The following NR3C2 variants were observed in gnomAD, a reference collection of about 807,000 sequenced individuals.
NR3C2 encodes nuclear receptor subfamily 3 group C member 2.
NR3C2 carries 15 observed loss-of-function variants against 86.4 expected under a neutral mutation model. The ratio of observed to expected loss-of-function variants is 0.17; its 90% CI spans 0.12 to 0.27. The LOEUF is 0.27. Ranked by LOEUF, NR3C2 falls within the 10% of genes least tolerant of loss-of-function variation. The pLI is 1.00. For synonymous variants in NR3C2, 458 were observed against 450.5 expected (o/e 1.02, Z -0.21); for missense variants, 960 against 1,195.6 (o/e 0.80, Z 2.91).
At chr4:148,110,209 A>ACT (rs2149724607) in intron 8 of NR3C2, among the ~76,000 whole-genome samples, 1 of 152,282 alleles carries the variant, frequency 6.6e-6, no homozygotes, top group Non-Finnish European at 1.5e-5. Flanking sequence ...TGATTCAAAC[A>ACT]CTCAACTATC....
chr4:148,315,801 T>C (rs935482924), intron 2 of NR3C2, among the ~76,000 whole-genome samples: 1 of 152,198 alleles, frequency 6.6e-6, no homozygotes, highest in Non-Finnish European at 1.5e-5. Context: ...AGTTGCAAAA[T>C]GTTATCACAA....
intron 3 of NR3C2, among the ~76,000 whole-genome samples, chr4:148,228,188 G>A (rs1462973014): frequency 1.3e-5 from 2 of 152,060 alleles, no homozygotes; most frequent in Admixed American, 1.3e-4. Context: ...ATTAGCTCCT[G>A]GCTGATCTTC....
At chr4:148,103,057 C>T (rs984860467) in intron 8 of NR3C2, among the ~76,000 whole-genome samples, 10 of 152,160 alleles carry the variant, frequency 6.6e-5, no homozygotes, top group African/African-American at 2.4e-4. Context: ...TCAAAATCAG[C>T]ATGCTTCTCC....
chr4:148,397,329 A>G (rs1377387464), intron 2 of NR3C2, among the ~76,000 whole-genome samples: 1 of 152,194 alleles, frequency 6.6e-6, no homozygotes, highest in African/African-American at 2.4e-5. Context: ...ATCGTGGCTG[A>G]CTGTCCTTCA....
At chr4:148,099,487 C>G (rs115435914) in intron 8 of NR3C2, among the ~76,000 whole-genome samples, 1 of 152,144 alleles carries the variant, frequency 6.6e-6, no homozygotes, top group Non-Finnish European at 1.5e-5. Context: ...ATCTTAATTC[C>G]TTTCTCTATA....
chr4:148,142,999 C>G (rs1014973033), intron 6 of NR3C2, among the ~76,000 whole-genome samples: 5 of 152,206 alleles, frequency 3.3e-5, no homozygotes, highest in African/African-American at 1.2e-4. Context: ...TCCCCAGATG[C>G]AGATGCCGGT....
At chr4:148,149,191 A>G (rs987250696) in intron 6 of NR3C2, among the ~76,000 whole-genome samples, 8 of 152,240 alleles carry the variant, frequency 5.3e-5, no homozygotes, top group Non-Finnish European at 1.2e-4. Context: ...TGAGGTCAAA[A>G]GTTTTAAGAA....
chr4:148,241,763 G>A (rs1050226318), intron 3 of NR3C2, among the ~76,000 whole-genome samples: 3 of 152,320 alleles, frequency 2.0e-5, no homozygotes, highest in Non-Finnish European at 4.4e-5. Flanking sequence ...CAGTGCCAAT[G>A]ACAGCATCTG....
chr4:148,165,760 A>G (rs1020352502), intron 4 of NR3C2, among the ~76,000 whole-genome samples: 1 of 152,212 alleles, frequency 6.6e-6, no homozygotes, highest in African/African-American at 2.4e-5. Context: ...GAATTGATAC[A>G]AAAATATTTT....
intron 3 of NR3C2, among the ~76,000 whole-genome samples, chr4:148,248,864 C>T (rs1213732014): frequency 2.0e-5 from 3 of 152,132 alleles, no homozygotes; most frequent in South Asian, 2.1e-4. Context: ...TAAAATATAA[C>T]GTTTATAAAG....
At position 148,345,129 on chromosome 4, in the gene NR3C2, G is replaced by A. The variant is rs775656038; in HGVS notation, c.1758-85012C>T. On this transcript the variant is annotated intron_variant, in intron 2 of 8. Transcript: ENST00000358102. ...TGTAAATGGCTGGATTCCAGATAGA[G>A]TAGTTATCCTCAAATGCCTTCCAAA... Among the ~76,000 whole-genome samples the A allele has an allele frequency of 3.2e-4, 49 of 152,124 alleles. 1 individual carries two copies. Among genetic ancestry groups the A allele is most frequent in the Middle Eastern group, 3.2e-3 (1 of 316 alleles).
At chr4:148,253,013 C>A (rs1251292704) in intron 3 of NR3C2, among the ~76,000 whole-genome samples, 2 of 151,202 alleles carry the variant, frequency 1.3e-5, no homozygotes, top group East Asian at 3.8e-4. Flanking sequence ...ATTTAAGCTA[C>A]AAGCAGCTGT....
chr4:148,234,118 T>A (rs571122766), intron 3 of NR3C2, among the ~76,000 whole-genome samples: 2 of 152,134 alleles, frequency 1.3e-5, no homozygotes, highest in African/African-American at 2.4e-5. Flanking sequence ...CCACAAGCAA[T>A]CTCCCAAAAG....
chr4:148,334,889 G>A (rs1296199998), intron 2 of NR3C2, among the ~76,000 whole-genome samples: 7 of 152,094 alleles, frequency 4.6e-5, no homozygotes, highest in Non-Finnish European at 1.0e-4. Flanking sequence ...TTCTCTCCTC[G>A]CTTCTGGTGT....
intron 6 of NR3C2, among the ~76,000 whole-genome samples, chr4:148,152,032 ATTGAGCAGCTGTATACTG>A (rs1734126790): frequency 6.6e-6 from 1 of 152,234 alleles, no homozygotes. Flanking sequence ...ATGAAAACAC[ATTGAGCAGCTGTATACTG>A]TTAACAAAAG....
chr4:148,136,264 G>A (rs1410617828), intron 6 of NR3C2, among the ~76,000 whole-genome samples: 1 of 151,520 alleles, frequency 6.6e-6, no homozygotes, highest in Non-Finnish European at 1.5e-5. Flanking sequence ...ATGAGATAAG[G>A]AAGGGCTATA....
intron 2 of NR3C2, among the ~76,000 whole-genome samples, chr4:148,262,936 C>T (rs1740198593): frequency 6.6e-6 from 1 of 152,132 alleles, no homozygotes; most frequent in South Asian, 2.1e-4. Flanking sequence ...AACACTCCTC[C>T]AGCACCATCT....
At chr4:148,099,213 G>A (rs1296870472) in intron 8 of NR3C2, among the ~76,000 whole-genome samples, 5 of 152,134 alleles carry the variant, frequency 3.3e-5, no homozygotes, top group Admixed American at 6.5e-5. Flanking sequence ...GGGGTCCCTC[G>A]TTCAAAGTTT....
intron 2 of NR3C2, among the ~76,000 whole-genome samples, chr4:148,350,912 A>G (rs1013794187): frequency 6.6e-6 from 1 of 152,216 alleles, no homozygotes. Context: ...ACTACATTGT[A>G]TACAACCCTG....
Sources: allele counts gnomAD v4.1 joint callset (sites outside exome capture counted in the v4.1 genomes callset), GRCh38; gene constraint gnomAD v4.1.1; transcripts MANE v1.5; gene names NCBI Gene and HGNC (gene_info 2026-07-23, HGNC 2026-07-21).